Variants in MARCHF1 observed in about 807,000 individuals in gnomAD.
MARCHF1 encodes the protein E3 ubiquitin-protein ligase MARCHF1.
A neutral mutation model predicts 54.2 loss-of-function variants in MARCHF1; 40 were observed. The ratio of observed to expected loss-of-function variants is 0.74; its 90% confidence interval spans 0.57 to 0.96. MARCHF1 has a LOEUF of 0.96. Among genes scored for constraint, MARCHF1 ranks in the 40% least tolerant of loss-of-function variants. The probability of loss-of-function intolerance (pLI) is 0.00; values close to 1 mark genes in which losing one functional copy is unlikely to be tolerated. For missense variants in MARCHF1, 586 were observed against 656.5 expected (o/e 0.89, Z 1.17); for synonymous variants, 236 against 236.3 (o/e 1.00, Z 0.01).
At chr4:164,021,050 G>A (rs1370555582) in intron 2 of MARCHF1, among the ~76,000 whole-genome samples, 2 of 149,494 alleles carry the variant, frequency 1.3e-5, no homozygotes, top group Non-Finnish European at 3.0e-5. Flanking sequence ...TGGAATCTGA[G>A]GGATATTCCC....
At chr4:163,632,865 G>C (rs1560986733) in intron 5 of MARCHF1, among the ~76,000 whole-genome samples, 1 of 152,352 alleles carries the variant, frequency 6.6e-6, no homozygotes, top group Non-Finnish European at 1.5e-5. Context: ...GCTTTGAAGA[G>C]AGCAGTGGTT....
chr4:163,633,488 A>G (rs1265686298), intron 5 of MARCHF1, among the ~76,000 whole-genome samples: 4 of 152,226 alleles, frequency 2.6e-5, no homozygotes, highest in Non-Finnish European at 5.9e-5. Context: ...CTGCAAGGAA[A>G]GGTATCAGCG....
In MARCHF1 at chr4:163,528,526, C is replaced by A; in HGVS notation, c.*222G>T. On this transcript the variant is annotated 3_prime_UTR_variant, in exon 10 of 10. Transcript: ENST00000514618. ...GGAAATCATTCTCTTGCAAACTTCA[C>A]ATTTCCATATCATACTTTACTTTAC... The A allele has an allele frequency of 2.0e-6, 1 of 488,626 alleles. No homozygotes were observed. Among genetic ancestry groups the A allele is most frequent in the Non-Finnish European group, 3.6e-6 (1 of 276,700 alleles). The allele number at this position is 488,626 out of a possible 1,614,324, so 30.3% of individuals were successfully genotyped here.
intron 1 of MARCHF1, among the ~76,000 whole-genome samples, chr4:164,198,013 A>G: frequency 6.6e-6 from 1 of 152,188 alleles, no homozygotes; most frequent in East Asian, 1.9e-4. Flanking sequence ...TACACTACTT[A>G]CTGTGAATCA....
intron 1 of MARCHF1, among the ~76,000 whole-genome samples, chr4:164,321,380 T>C (rs1157701243): frequency 1.3e-5 from 2 of 151,884 alleles, no homozygotes; most frequent in Non-Finnish European, 2.9e-5. Context: ...AGACCTCCTA[T>C]AGTAGATTGA....
At chr4:163,546,372 C>T (rs1738907468) in intron 8 of MARCHF1, among the ~76,000 whole-genome samples, 1 of 152,154 alleles carries the variant, frequency 6.6e-6, no homozygotes, top group African/African-American at 2.4e-5. Flanking sequence ...TCTATAGTTT[C>T]CTCATCTGTA....
At chr4:163,927,444 GA>G (rs1246227424) in intron 3 of MARCHF1, among the ~76,000 whole-genome samples, 5 of 151,740 alleles carry the variant, frequency 3.3e-5, no homozygotes, top group Non-Finnish European at 5.9e-5. Flanking sequence ...TTCATGTGAG[GA>G]AAAAAGGGGG....
intron 4 of MARCHF1, among the ~76,000 whole-genome samples, chr4:163,739,083 T>C (rs1008431920): frequency 1.3e-5 from 2 of 152,224 alleles, no homozygotes; most frequent in African/African-American, 4.8e-5. Context: ...AATACCTCAA[T>C]ACAATACTCA....
At chr4:163,699,367 T>A (rs1744734251) in intron 5 of MARCHF1, among the ~76,000 whole-genome samples, 1 of 152,186 alleles carries the variant, frequency 6.6e-6, no homozygotes, top group Non-Finnish European at 1.5e-5. Flanking sequence ...ATTAAAATAT[T>A]AGGGTCTGCT....
At chr4:163,566,997 A>T (rs1291987470) in intron 8 of MARCHF1, among the ~76,000 whole-genome samples, 1 of 152,220 alleles carries the variant, frequency 6.6e-6, no homozygotes, top group Non-Finnish European at 1.5e-5. Context: ...GCAAACTCTT[A>T]GGGACCACAT....
At chr4:164,335,617 A>G (rs970027530) in intron 1 of MARCHF1, among the ~76,000 whole-genome samples, 8 of 150,936 alleles carry the variant, frequency 5.3e-5, no homozygotes, top group Admixed American at 1.3e-4. Flanking sequence ...TGCTTCAGCC[A>G]CTCCAACTTT....
At chr4:164,141,568 GA>G (rs1314974488) in intron 1 of MARCHF1, among the ~76,000 whole-genome samples, 1 of 152,042 alleles carries the variant, frequency 6.6e-6, no homozygotes, top group East Asian at 1.9e-4. Flanking sequence ...CTCTCTTACG[GA>G]AAAAAGAAGA....
At chr4:163,879,804 C>CGTGTGT (rs60539215) in intron 3 of MARCHF1, among the ~76,000 whole-genome samples, 29,221 of 148,288 alleles carry the variant, frequency 0.2, 2,968 homozygotes, top group South Asian at 0.26. Context: ...GATTTAGAGG[C>CGTGTGT]GTGTGTGTGT....
intron 5 of MARCHF1, among the ~76,000 whole-genome samples, chr4:163,652,096 T>C (rs1742989100): frequency 6.6e-6 from 1 of 151,870 alleles, no homozygotes; most frequent in Admixed American, 6.6e-5. Flanking sequence ...TGCAGATGGA[T>C]AATGCCTATT....
intron 4 of MARCHF1, among the ~76,000 whole-genome samples, chr4:163,754,087 A>T (rs1321367650): frequency 6.6e-6 from 1 of 152,194 alleles, no homozygotes; most frequent in Non-Finnish European, 1.5e-5. Context: ...GAAGGTCAAC[A>T]TTGTTATCAG....
At chr4:164,058,796 T>TG (rs1754549347) in intron 2 of MARCHF1, among the ~76,000 whole-genome samples, 2 of 152,242 alleles carry the variant, frequency 1.3e-5, no homozygotes, top group African/African-American at 2.4e-5. Flanking sequence ...GAAAATATTT[T>TG]GGGGGGAATG....
chr4:163,815,630 T>A (rs1748512031), intron 4 of MARCHF1, among the ~76,000 whole-genome samples: 1 of 152,156 alleles, frequency 6.6e-6, no homozygotes, highest in South Asian at 2.1e-4. Flanking sequence ...AACAGTGAAT[T>A]TTTTTGTGTG....
chr4:163,864,411 C>A (rs920159418), intron 3 of MARCHF1, among the ~76,000 whole-genome samples: 3 of 151,740 alleles, frequency 2.0e-5, no homozygotes, highest in Admixed American at 2.0e-4. Flanking sequence ...ACATGAAAAG[C>A]AAGGAAAGTC....
intron 1 of MARCHF1, among the ~76,000 whole-genome samples, chr4:164,368,752 T>C (rs555474390): frequency 2.0e-5 from 3 of 152,274 alleles, no homozygotes; most frequent in South Asian, 4.1e-4. Flanking sequence ...TGAACATCCA[T>C]TCACAAGAAA....
Sources: gnomAD v4.1 joint callset for allele counts (sites outside exome capture counted in the v4.1 genomes callset) on GRCh38, gnomAD v4.1.1 for gene constraint, MANE v1.5 for transcripts, NCBI Gene and HGNC (gene_info 2026-07-23, HGNC 2026-07-21) for gene names.